The following RAB33A variants were observed in gnomAD, a reference collection of about 807,000 sequenced individuals.
The protein encoded by RAB33A is ras-related protein Rab-33A.
Under a neutral mutation model 12.0 loss-of-function variants are expected in RAB33A, and 6 were observed. The ratio of observed to expected loss-of-function variants is 0.50; its 90% CI spans 0.27 to 0.99. The LOEUF (loss-of-function observed/expected upper bound fraction) is 0.99. RAB33A is among the 50% of genes least tolerant of loss of function. The pLI, the probability that RAB33A is intolerant of heterozygous loss-of-function variation, is 0.11. For synonymous variants in RAB33A, 70 were observed against 82.4 expected (o/e 0.85, Z 0.81); for missense variants, 109 against 192.0 (o/e 0.57, Z 2.55).
rs1304241906 is a variant in RAB33A at position 130,172,031 on chromosome X, G to C, written c.-32G>C. Reference sequence around the variant, plus strand: ...GTTCTCTTTGTGTGGAGCCCTCAAGGGGGGTTGGGGCCCCGGTTCGGTCCG... The same window carrying C: ...GTTCTCTTTGTGTGGAGCCCTCAAGCGGGGTTGGGGCCCCGGTTCGGTCCG... On this transcript the variant is annotated 5_prime_UTR_variant, in exon 1 of 2. Coordinates refer to ENST00000257017, the MANE Select transcript of RAB33A (RefSeq NM_004794.3). The C allele has an allele frequency of 4.2e-6, 5 of 1,184,578 alleles. No individual in the cohort carries two copies. In the South Asian group the frequency reaches 7.4e-5, roughly 18 times the overall value.
At chrX:130,142,181 G>T in the RAB33A span, among the ~76,000 whole-genome samples, 107 of 112,168 alleles carry the variant, frequency 9.5e-4, no homozygotes, top group African/African-American at 3.4e-3. Flanking sequence ...TGACAAATGT[G>T]ATGTAAGTGG....
At chrX:130,142,756 G>A in the RAB33A span, among the ~76,000 whole-genome samples, 2 of 110,935 alleles carry the variant, frequency 1.8e-5, no homozygotes, top group African/African-American at 6.6e-5. Flanking sequence ...AGCGATTCTC[G>A]TGCTTCAGCC....
chrX:130,111,571 C>T, the RAB33A span, among the ~76,000 whole-genome samples: 1 of 112,144 alleles, frequency 8.9e-6, no homozygotes, highest in Non-Finnish European at 1.9e-5. Flanking sequence ...TCGGCGACTT[C>T]TTAGGGAAGT....
the RAB33A span, among the ~76,000 whole-genome samples, chrX:130,142,975 G>A: frequency 1.8e-5 from 2 of 111,890 alleles, no homozygotes; most frequent in Non-Finnish European, 3.8e-5. Flanking sequence ...CCTCTGCCAC[G>A]GTAACACTGT....
chrX:130,171,939 GACAC>G (rs745752854), upstream of RAB33A: 20,175 of 833,798 alleles, frequency 0.024, 224 homozygotes, highest in Middle Eastern at 0.059. Context: ...CACACGGGCG[GACAC>G]ACACACACGC....
chrX:130,169,806 A>G (rs1447717197), upstream of RAB33A, among the ~76,000 whole-genome samples: 1 of 112,411 alleles, frequency 8.9e-6, no homozygotes, highest in Non-Finnish European at 1.9e-5. Context: ...GTTAGCATTA[A>G]TTCTAGCTGT....
At chrX:130,137,324 G>A in the RAB33A span, 10 of 1,174,115 alleles carry the variant, frequency 8.5e-6, no homozygotes, top group Non-Finnish European at 1.1e-5. Context: ...CCCACTTACA[G>A]GACAGTGGGC....
chrX:130,163,853 G>C, the RAB33A span, among the ~76,000 whole-genome samples: 1 of 111,319 alleles, frequency 9.0e-6, no homozygotes, highest in African/African-American at 3.3e-5. Context: ...AGGCCAGTGT[G>C]GATGAAAAAA....
At chrX:130,150,509 GTAT>G in the RAB33A span, among the ~76,000 whole-genome samples, 1 of 102,136 alleles carries the variant, frequency 9.8e-6, no homozygotes, top group Admixed American at 1.0e-4. Flanking sequence ...CTAATTTTTT[GTAT>G]TTTTAGTAGA....
upstream of RAB33A, among the ~76,000 whole-genome samples, chrX:130,167,519 A>G (rs1191146942): frequency 6.6e-4 from 74 of 112,465 alleles, no homozygotes; most frequent in African/African-American, 2.3e-3. Context: ...TAGGCGGGTG[A>G]ATCACTTTAG....
At chrX:130,184,180 C>G in intron 1 of RAB33A, 105 bp from the exon 2 acceptor site, 1 of 783,574 alleles carries the variant, frequency 1.3e-6, no homozygotes, top group East Asian at 3.3e-5. Context: ...TGAGCCACCG[C>G]ACCCGTCCTG....
the RAB33A span, chrX:130,129,678 A>G: frequency 9.1e-7 from 1 of 1,104,021 alleles, no homozygotes; most frequent in South Asian, 1.8e-5. Context: ...CATTGCGTTC[A>G]GGCCATGCCC....
chrX:130,132,177 C>T, the RAB33A span, among the ~76,000 whole-genome samples: 6 of 111,828 alleles, frequency 5.4e-5, no homozygotes, highest in African/African-American at 9.7e-5. Context: ...CGACCAACAC[C>T]GCACTCTTAT....
At chrX:130,165,496 G>A in the RAB33A span, 7 of 1,020,525 alleles carry the variant, frequency 6.9e-6, no homozygotes, top group Middle Eastern at 2.5e-4. Context: ...AAGGCACAGG[G>A]AGCCTAAGGC....
At chrX:130,122,025 G>A in the RAB33A span, among the ~76,000 whole-genome samples, 4 of 112,295 alleles carry the variant, frequency 3.6e-5, no homozygotes, top group Admixed American at 9.3e-5. Flanking sequence ...GCAGCAAGTC[G>A]AGCCGATCAT....
the RAB33A span, among the ~76,000 whole-genome samples, chrX:130,142,183 TG>T: frequency 4.5e-5 from 5 of 112,025 alleles, no homozygotes; most frequent in Admixed American, 9.5e-5. Context: ...ACAAATGTGA[TG>T]TAAGTGGTAA....
chrX:130,171,875 GA>G, upstream of RAB33A: 1 of 450,549 alleles, frequency 2.2e-6, no homozygotes, highest in Admixed American at 4.5e-5. Flanking sequence ...GGGGGGCCCG[GA>G]GTGAGAGGCA....
the RAB33A span, chrX:130,140,570 G>A: frequency 1.7e-6 from 2 of 1,209,616 alleles, no homozygotes; most frequent in East Asian, 3.0e-5. Flanking sequence ...TTATTTGAGA[G>A]CCATCATTAA....
the RAB33A span, among the ~76,000 whole-genome samples, chrX:130,160,548 C>T: frequency 1.4e-4 from 16 of 111,779 alleles, no homozygotes; most frequent in Non-Finnish European, 2.6e-4. Context: ...GAAATTCTTC[C>T]TAATTCTATT....
Sources: allele counts gnomAD v4.1 joint callset (sites outside exome capture counted in the v4.1 genomes callset), GRCh38; gene constraint gnomAD v4.1.1; transcripts MANE v1.5; gene names NCBI Gene and HGNC (gene_info 2026-07-23, HGNC 2026-07-21).